PCSK6: variants seen among roughly 807,000 people sequenced by gnomAD.
The protein encoded by PCSK6 is paired basic amino acid cleaving enzyme 4.
PCSK6 carries 85 observed loss-of-function variants against 123.3 expected under a neutral mutation model. The ratio of observed to expected loss-of-function variants is 0.69; its 90% CI spans 0.58 to 0.83. The LOEUF (loss-of-function observed/expected upper bound fraction) is 0.83, where lower values mean the gene tolerates loss of function less well. PCSK6 is among the 40% of genes least tolerant of loss of function. The pLI, the probability that PCSK6 is intolerant of heterozygous loss-of-function variation, is 0.00. For missense variants in PCSK6, 1,191 were observed against 1,282.3 expected, an observed-to-expected ratio of 0.93 and a Z score of 1.09; for synonymous variants, 508 against 516.0, an observed-to-expected ratio of 0.98 and a Z score of 0.21.
At chr15:101,440,317 T>C (rs768641364) in intron 2 of PCSK6, among the ~76,000 whole-genome samples, 6 of 152,154 alleles carry the variant, frequency 3.9e-5, no homozygotes, top group Non-Finnish European at 8.8e-5. Flanking sequence ...GTAAAGGTAA[T>C]TAAGAATGCA....
At chr15:101,328,425 C>A (rs928018793) in intron 15 of PCSK6, among the ~76,000 whole-genome samples, 4 of 152,158 alleles carry the variant, frequency 2.6e-5, no homozygotes, top group Non-Finnish European at 5.9e-5. Context: ...TGGCATTAGG[C>A]ACAGAGCAGG....
At chr15:101,388,679 A>G (rs1239744751) in intron 9 of PCSK6, among the ~76,000 whole-genome samples, 1 of 149,632 alleles carries the variant, frequency 6.7e-6, no homozygotes, top group East Asian at 2.0e-4. Context: ...GGGCTTTAAG[A>G]AAGGAAGAAA....
chr15:101,467,155 C>T (rs1033567578), intron 1 of PCSK6, among the ~76,000 whole-genome samples: 2 of 152,074 alleles, frequency 1.3e-5, no homozygotes, highest in African/African-American at 4.8e-5. Flanking sequence ...TGTTAACTGA[C>T]AAAGGATTCA....
chr15:101,477,242 T>C (rs533663594), intron 1 of PCSK6, among the ~76,000 whole-genome samples: 1 of 152,056 alleles, frequency 6.6e-6, no homozygotes, highest in East Asian at 1.9e-4. Context: ...TATATGTGTG[T>C]GCGTGTGTGT....
intron 13 of PCSK6, among the ~76,000 whole-genome samples, chr15:101,360,152 A>G (rs1255452638): frequency 6.6e-6 from 1 of 152,126 alleles, no homozygotes; most frequent in Non-Finnish European, 1.5e-5. Flanking sequence ...TGACTGCTTC[A>G]TACACTCCAC....
chr15:101,442,345 C>CACCT (rs2056777016), intron 2 of PCSK6, among the ~76,000 whole-genome samples: 1 of 152,128 alleles, frequency 6.6e-6, no homozygotes, highest in African/African-American at 2.4e-5. Context: ...TCCATCCACC[C>CACCT]ACCTATAAAA....
chr15:101,460,443 C>T (rs1198550481), intron 1 of PCSK6, among the ~76,000 whole-genome samples: 2 of 152,218 alleles, frequency 1.3e-5, no homozygotes, highest in African/African-American at 4.8e-5. Flanking sequence ...GCTCCTCCTA[C>T]ATAAGCTCCC....
chr15:101,482,795 C>CCCCTGCACCTGCTCAG (rs1392986472), intron 1 of PCSK6, among the ~76,000 whole-genome samples: 1 of 100,136 alleles, frequency 1.0e-5, no homozygotes. Context: ...TCTGAGTCTG[C>CCCCTGCACCTGCTCAG]TCCTGATTCT....
At chr15:101,350,989 A>G (rs2040875354) in intron 13 of PCSK6, among the ~76,000 whole-genome samples, 1 of 152,224 alleles carries the variant, frequency 6.6e-6, no homozygotes, top group African/African-American at 2.4e-5. Flanking sequence ...CTAAAAACAA[A>G]GGTAATGAAT....
At chr15:101,347,425 G>A (rs554006786) in intron 13 of PCSK6, 1 of 1,238,850 alleles carries the variant, frequency 8.1e-7, no homozygotes, top group African/African-American at 1.5e-5. Context: ...GATGAATAAA[G>A]GGAAAACATG....
chr15:101,475,459 C>T (rs183795177), intron 1 of PCSK6, among the ~76,000 whole-genome samples: 19 of 152,208 alleles, frequency 1.2e-4, no homozygotes, highest in African/African-American at 3.1e-4. Flanking sequence ...GATTAAAATG[C>T]CTAATAAATA....
At chr15:101,367,405 G>A (rs2041432294) in intron 12 of PCSK6, among the ~76,000 whole-genome samples, 2 of 152,194 alleles carry the variant, frequency 1.3e-5, no homozygotes, top group South Asian at 2.1e-4. Flanking sequence ...TTTGAATGAT[G>A]TAAGATTCAA....
intron 13 of PCSK6, among the ~76,000 whole-genome samples, chr15:101,341,109 AT>A (rs2040595058): frequency 6.7e-6 from 1 of 149,756 alleles, no homozygotes. Flanking sequence ...TAAATTTTGT[AT>A]TTTTAGTAGA....
At chr15:101,467,889 G>A (rs908296937) in intron 1 of PCSK6, among the ~76,000 whole-genome samples, 1 of 152,228 alleles carries the variant, frequency 6.6e-6, no homozygotes, top group Non-Finnish European at 1.5e-5. Context: ...TGCGGGAGCC[G>A]GAGGTGTCTG....
intron 13 of PCSK6, among the ~76,000 whole-genome samples, chr15:101,348,201 C>G (rs1005081473): frequency 2.0e-5 from 3 of 152,256 alleles, no homozygotes; most frequent in South Asian, 2.1e-4. Context: ...TGCTCCTCCC[C>G]GGTGGGAACG....
chr15:101,409,771 C>T (rs899522786), intron 6 of PCSK6, among the ~76,000 whole-genome samples: 10 of 152,146 alleles, frequency 6.6e-5, no homozygotes, highest in African/African-American at 2.2e-4. Flanking sequence ...TATTGCAAGC[C>T]TCCCTGAGAG....
intron 20 of PCSK6, among the ~76,000 whole-genome samples, chr15:101,311,732 G>A (rs567587593): frequency 1.7e-4 from 1 of 5,884 alleles, no homozygotes; most frequent in Non-Finnish European, 2.8e-4. Context: ...CCACCCCATC[G>A]TCACCCCTCA....
intron 6 of PCSK6, among the ~76,000 whole-genome samples, chr15:101,418,520 ATT>A (rs749644480): frequency 0.019 from 2,561 of 136,506 alleles, 61 homozygotes; most frequent in African/African-American, 0.06. Flanking sequence ...CCAATTTAGG[ATT>A]TTTTTTTTTT....
intron 4 of PCSK6, among the ~76,000 whole-genome samples, chr15:101,430,651 T>C (rs1351359424): frequency 6.6e-6 from 1 of 152,256 alleles, no homozygotes; most frequent in African/African-American, 2.4e-5. Flanking sequence ...TCCAGTGTTG[T>C]TGACACGTAG....
Sources: gnomAD v4.1 joint callset for allele counts (sites outside exome capture counted in the v4.1 genomes callset) on GRCh38, gnomAD v4.1.1 for gene constraint, MANE v1.5 for transcripts, NCBI Gene and HGNC (gene_info 2026-07-23, HGNC 2026-07-21) for gene names.